Variants in PLET1 observed in about 807,000 individuals in gnomAD.
PLET1 encodes placenta-expressed transcript 1 protein.
A neutral mutation model predicts 18.5 loss-of-function variants in PLET1; 20 were observed. The observed-to-expected ratio is 1.08, with a 90% CI of 0.76 to 1.57. The LOEUF is 1.57. Ranked by LOEUF, PLET1 falls within the 40% of genes most tolerant of loss-of-function variation. The pLI, the probability that PLET1 is intolerant of heterozygous loss-of-function variation, is 0.00. For synonymous variants in PLET1, 93 were observed against 93.8 expected (o/e 0.99, Z 0.05); for missense variants, 256 against 246.4 (o/e 1.04, Z -0.26).
chr11:112,249,642 A>G (rs1860134534), intron 3 of PLET1, among the ~76,000 whole-genome samples: 1 of 152,116 alleles, frequency 6.6e-6, no homozygotes, highest in Non-Finnish European at 1.5e-5. Context: ...GAATACCTCC[A>G]AGACTCTGAG....
intron 3 of PLET1, among the ~76,000 whole-genome samples, chr11:112,250,563 C>CATGTG (rs1860145692): frequency 6.6e-6 from 1 of 152,188 alleles, no homozygotes; most frequent in African/African-American, 2.4e-5. Flanking sequence ...TTTTGTCATG[C>CATGTG]TGTCAGCCCA....
Position 112,248,385 on chromosome 11 carries a change from G to A in PLET1, c.*414C>T, listed in dbSNP as rs1054140399. On this transcript the variant is annotated 3_prime_UTR_variant, in exon 4 of 4. Coordinates refer to ENST00000338832, the MANE Select transcript of PLET1 (RefSeq NM_001145024.1). ...CACAGAAGTTCCTTGTAACCTGAAT[G>A]GGTTTGGTTAGAAATCTGAGATCAT... 3.1e-5 allele frequency: 12 copies of A among 392,998 alleles called. No individual in the cohort carries two copies. The highest frequency in any genetic ancestry group is 4.5e-5 in the Non-Finnish European group (10 of 223,310). 24.3% of individuals were successfully genotyped at this position (392,998 alleles called of 1,614,324 possible). A position where few individuals can be genotyped will look rare whatever the true frequency, so the allele number is the denominator to read the frequency against.
At chr11:112,253,864 G>C (rs762231846) in intron 2 of PLET1, among the ~76,000 whole-genome samples, 1 of 152,118 alleles carries the variant, frequency 6.6e-6, no homozygotes. Context: ...GGGTCAGACC[G>C]GCCCTTTCAG....
At position 112,260,641 on chromosome 11, in the gene PLET1, A is replaced by T. The variant is rs895714708; in HGVS notation, c.-52T>A. ...GGCCTGGAATTGGGTGAAACTGACA[A>T]CTCACCTCTTGTTTATATGCCAGGG... On this transcript the variant is annotated 5_prime_UTR_variant, in exon 1 of 4. The change creates a new upstream start codon in the 5' untranslated region. Coordinates refer to ENST00000338832, the MANE Select transcript of PLET1 (RefSeq NM_001145024.1). 2 of 1,462,126 alleles carry T rather than the reference A, an allele frequency of 1.4e-6. No homozygotes were observed. Among genetic ancestry groups the T allele is most frequent in the African/African-American group, 2.8e-5 (2 of 70,784 alleles). 90.6% of individuals were successfully genotyped at this position (1,462,126 alleles called of 1,614,324 possible). A position where few individuals can be genotyped will look rare whatever the true frequency, so the allele number is the denominator to read the frequency against.
intron 3 of PLET1, among the ~76,000 whole-genome samples, chr11:112,249,882 G>T (rs1483402528): frequency 6.6e-6 from 1 of 151,534 alleles, no homozygotes; most frequent in African/African-American, 2.4e-5. Flanking sequence ...ACTTGAACCC[G>T]GGAGGTGGAG....
Position 112,248,961 on chromosome 11 carries a change from G to A in PLET1, c.462C>T (p.Ala154=). 1 of 1,550,462 alleles carries A rather than the reference G, an allele frequency of 6.4e-7. No homozygotes were observed. The highest frequency in any genetic ancestry group is 8.7e-7 in the Non-Finnish European group (1 of 1,146,968). The change falls in exon 4 of 4, where the codon GCC becomes GCT. Residue 154 remains alanine (A), a synonymous_variant. Coordinates refer to ENST00000338832, the MANE Select transcript of PLET1 (RefSeq NM_001145024.1). ...LKLREKLSTL[A]LAAKIPQSSA... ...AGCTCTGGGGAATCTTGGCAGCTAA[G>A]GCTAAGGTTGACACTGGAAAGGTGG...
At position 112,260,703 on chromosome 11, in the gene PLET1, G is replaced by T. The variant is rs1424342727; in HGVS notation, c.-114C>A. On this transcript the variant is annotated 5_prime_UTR_variant, in exon 1 of 4. Transcript: ENST00000338832. The stretch of plus-strand genomic sequence containing the variant: ...AGTCATACATGCAGATCTTCTCCCT[G>T]CCCCTTCTGAATATACATTGGATTC... The T allele has an allele frequency of 3.3e-6, 3 of 902,732 alleles. No individual in the cohort carries two copies. The highest frequency in any genetic ancestry group is 1.7e-5 in the African/African-American group (1 of 59,228). The allele number at this position is 902,732 out of a possible 1,614,324, so 55.9% of individuals were successfully genotyped here. A position where few individuals can be genotyped will look rare whatever the true frequency, so the allele number is the denominator to read the frequency against.
At chr11:112,249,070 A>C in intron 3 of PLET1, 96 bp from the exon 4 acceptor site, 1 of 1,118,296 alleles carries the variant, frequency 8.9e-7, no homozygotes, top group Non-Finnish European at 1.3e-6. Flanking sequence ...GGGTAATCTG[A>C]TGGAATGCTA....
intron 1 of PLET1, among the ~76,000 whole-genome samples, chr11:112,260,028 ACT>A (rs1464705215): frequency 2.0e-5 from 3 of 152,114 alleles, no homozygotes; most frequent in Admixed American, 6.5e-5. Context: ...ACAAAGTGAG[ACT>A]CTGTCTCCAG....
chr11:112,250,945 A>G (rs999169635), intron 3 of PLET1, among the ~76,000 whole-genome samples: 3 of 152,180 alleles, frequency 2.0e-5, no homozygotes, highest in Non-Finnish European at 2.9e-5. Flanking sequence ...TCACTTTACA[A>G]TTTGTTGTTG....
intron 1 of PLET1, among the ~76,000 whole-genome samples, chr11:112,256,996 C>T (rs1474524335): frequency 6.6e-6 from 1 of 152,222 alleles, no homozygotes; most frequent in Non-Finnish European, 1.5e-5. Flanking sequence ...CAACGTGCTG[C>T]GGCCACACCA....
intron 3 of PLET1, among the ~76,000 whole-genome samples, chr11:112,249,609 C>G (rs779388284): frequency 1.3e-5 from 2 of 152,102 alleles, no homozygotes; most frequent in Non-Finnish European, 2.9e-5. Context: ...TTGTCTGATC[C>G]TGGACAAACT....
intron 3 of PLET1, among the ~76,000 whole-genome samples, chr11:112,250,888 C>T (rs1226851399): frequency 6.6e-6 from 1 of 152,186 alleles, no homozygotes; most frequent in Non-Finnish European, 1.5e-5. Context: ...GGGAAATCCA[C>T]CAAGGAAATA....
chr11:112,259,191 G>A (rs1389398412), intron 1 of PLET1, among the ~76,000 whole-genome samples: 2 of 152,174 alleles, frequency 1.3e-5, no homozygotes, highest in African/African-American at 4.8e-5. Context: ...ATCGTAAGAA[G>A]GGTTAGCTCT....
At position 112,248,471 on chromosome 11, in the gene PLET1, CAGTGAACAAA is replaced by C; in HGVS notation, c.*318_*327del. 2.4e-6 allele frequency: 1 copy of C among 412,352 alleles called. No homozygotes were observed. Among genetic ancestry groups the C allele is most frequent in the Non-Finnish European group, 4.3e-6 (1 of 234,980 alleles). 25.5% of individuals were successfully genotyped at this position (412,352 alleles called of 1,614,324 possible). A position where few individuals can be genotyped will look rare whatever the true frequency, so the allele number is the denominator to read the frequency against. ...CAGAGGTTGCAGGGGAATCATTTGG[CAGTGAACAAA>C]AGTTGAGATTGGCTGTGGAATTGGC... is the stretch of plus-strand genomic sequence containing the variant. On this transcript the variant is annotated 3_prime_UTR_variant, in exon 4 of 4. Transcript: ENST00000338832.
rs1398297284 is a variant in PLET1, at chr11:112,255,518, C to T, written c.256G>A (p.Gly86Ser). The change falls in exon 2 of 4, where the codon GGC becomes AGC. Residue 86 changes from glycine (G) to serine (S), a missense_variant. Gly to Ser is a moderately conservative substitution (Grantham distance 56). Transcript: ENST00000338832. ...KTLDENSDSAGLWQRADKNCY... is the reference protein window; with the variant it reads ...KTLDENSDSASLWQRADKNCY... ...TTTTTATCCGCTCTTTGCCAGAGGC[C>T]CGCTGAGTCACTGTTCTCGTCCAAG... The T allele has an allele frequency of 6.4e-7, 1 of 1,551,672 alleles. No individual in the cohort carries two copies. The highest frequency in any genetic ancestry group is 2.4e-5 in the East Asian group (1 of 40,912).
chr11:112,259,708 C>G (rs939368760), intron 1 of PLET1, among the ~76,000 whole-genome samples: 2 of 152,064 alleles, frequency 1.3e-5, no homozygotes, highest in Non-Finnish European at 2.9e-5. Context: ...ACAATTATCC[C>G]CAGAGGCATC....
chr11:112,258,632 A>C (rs1178837078), intron 1 of PLET1, among the ~76,000 whole-genome samples: 1 of 152,016 alleles, frequency 6.6e-6, no homozygotes, highest in Non-Finnish European at 1.5e-5. Context: ...TCACCTGGAG[A>C]GGTATTATCT....
In PLET1 at chr11:112,248,638, G is replaced by A. The variant is rs1860124129; in HGVS notation, c.*161C>T. On this transcript the variant is annotated 3_prime_UTR_variant, in exon 4 of 4. Transcript: ENST00000338832. ...CTATGTGACCCAAGCCTGCCAATGA[G>A]TGCCTCCAGATCTTTGTTTTGGTCT... 3 of 719,852 alleles carry A rather than the reference G, an allele frequency of 4.2e-6. No individual in the cohort carries two copies. Among genetic ancestry groups the A allele is most frequent in the African/African-American group, 1.8e-5 (1 of 55,816 alleles). The allele number at this position is 719,852 out of a possible 1,614,324, so 44.6% of individuals were successfully genotyped here.
Sources: allele counts gnomAD v4.1 joint callset (sites outside exome capture counted in the v4.1 genomes callset), GRCh38; gene constraint gnomAD v4.1.1; transcripts MANE v1.5; gene names NCBI Gene and HGNC (gene_info 2026-07-23, HGNC 2026-07-21).